CNGB1: variants seen among roughly 807,000 people sequenced by gnomAD.
CNGB1 encodes the protein cyclic nucleotide-gated channel beta-1.
In CNGB1, 126 loss-of-function variants were observed where a neutral mutation model predicts 151.7. The observed-to-expected ratio is 0.83, with a 90% CI of 0.72 to 0.96. The LOEUF (loss-of-function observed/expected upper bound fraction) is 0.96. Among genes scored for constraint, CNGB1 ranks in the 40% least tolerant of loss-of-function variants. The probability of loss-of-function intolerance (pLI) is 0.00; values close to 1 mark genes in which losing one functional copy is unlikely to be tolerated. For missense variants in CNGB1, 1,698 were observed against 1,627.0 expected (o/e 1.04, Z -0.75); for synonymous variants, 623 against 635.1 (o/e 0.98, Z 0.29).
intron 31 of CNGB1, among the ~76,000 whole-genome samples, chr16:57,890,793 C>G (rs945344855): frequency 2.6e-5 from 4 of 152,356 alleles, no homozygotes; most frequent in East Asian, 1.9e-4. Context: ...GGTTCTCAGA[C>G]AGTGTATCTC....
intron 18 of CNGB1, among the ~76,000 whole-genome samples, chr16:57,922,180 G>A (rs1402881458): frequency 6.6e-6 from 1 of 152,064 alleles, no homozygotes; most frequent in Non-Finnish European, 1.5e-5. Context: ...TAAAATTGTG[G>A]ATAGAAAAAA....
chr16:57,921,141 C>A (rs778514394), intron 18 of CNGB1, among the ~76,000 whole-genome samples: 7 of 148,024 alleles, frequency 4.7e-5, no homozygotes, highest in Non-Finnish European at 5.9e-5. Context: ...TTTTTTCATA[C>A]ATTAGGACAC....
intron 31 of CNGB1, among the ~76,000 whole-genome samples, chr16:57,892,317 A>C (rs1209762465): frequency 2.0e-5 from 3 of 152,134 alleles, no homozygotes; most frequent in East Asian, 1.9e-4. Context: ...TCCATGAATC[A>C]CAAGGGTCCA....
chr16:57,911,612 T>C, intron 25 of CNGB1, 141 bp downstream of exon 25: 1 of 1,202,322 alleles, frequency 8.3e-7, no homozygotes, highest in South Asian at 1.3e-5. Context: ...TTGAGCCTTG[T>C]CATGCCAGTG....
At chr16:57,937,925 C>T (rs1291037481) in intron 16 of CNGB1, among the ~76,000 whole-genome samples, 1 of 152,218 alleles carries the variant, frequency 6.6e-6, no homozygotes, top group Non-Finnish European at 1.5e-5. Flanking sequence ...CCAGGTGATT[C>T]CAATGGGCTG....
intron 14 of CNGB1, among the ~76,000 whole-genome samples, chr16:57,944,142 C>T (rs1961742556): frequency 6.6e-6 from 1 of 152,072 alleles, no homozygotes; most frequent in Non-Finnish European, 1.5e-5. Flanking sequence ...CCTGCCTCAG[C>T]CTCCCAAGTG....
intron 25 of CNGB1, among the ~76,000 whole-genome samples, chr16:57,905,125 G>A (rs1203259867): frequency 6.6e-6 from 1 of 152,160 alleles, no homozygotes; most frequent in Non-Finnish European, 1.5e-5. Context: ...TACAGATATG[G>A]AAACTGAGGC....
At chr16:57,905,379 C>T (rs1386349095) in intron 25 of CNGB1, among the ~76,000 whole-genome samples, 2 of 152,204 alleles carry the variant, frequency 1.3e-5, no homozygotes, top group Non-Finnish European at 1.5e-5. Context: ...AACTGAGGCC[C>T]CCAAAGGGAA....
chr16:57,919,108 G>A lies in CNGB1; in HGVS notation c.1948C>T (p.Pro650Ser). ...ATTCCCCAGGACTCACTGGTCAGCG[G>A]GTCAATGCTCTGGGGAAACTGGTAC... is the stretch of plus-strand genomic sequence containing the variant. Reference protein sequence around the residue: ...KKYQFPQSIDPLTNLMYVLWL... With the variant: ...KKYQFPQSIDSLTNLMYVLWL... Residue 650 changes from proline (P) to serine (S), a missense_variant, in exon 20 of 33, where the codon CCG becomes TCG. Physicochemically the swap from Pro to Ser is moderately conservative, Grantham distance 74 (BLOSUM62 -1). Coordinates refer to ENST00000251102, the MANE Select transcript of CNGB1 (RefSeq NM_001297.5). The A allele has an allele frequency of 6.2e-7, 1 of 1,614,200 alleles. No individual in the cohort carries two copies. The highest frequency in any genetic ancestry group is 8.5e-7 in the Non-Finnish European group (1 of 1,180,042).
rs765248752 is a variant in CNGB1, at chr16:57,960,801, C to G, written c.534+39G>C. ...CCTCCTGGGGCCCCAGAAGCCCCCCCATATACTCAACTCCCTGCCTCTCCC... is the reference window on the plus strand; with the variant it reads ...CCTCCTGGGGCCCCAGAAGCCCCCCGATATACTCAACTCCCTGCCTCTCCC... On this transcript the variant is annotated intron_variant, in intron 8 of 32. Transcript: ENST00000251102. 1.9e-6 allele frequency: 3 copies of G among 1,600,236 alleles called. No homozygotes were observed. The African/African-American group carries it at 4.0e-5, about 21-fold the overall frequency.
In CNGB1 at chr16:57,897,517, C is replaced by T. The variant is rs192178968; in HGVS notation, c.3122G>A (p.Arg1041Gln). 5.5e-5 allele frequency: 89 copies of T among 1,614,140 alleles called. No individual in the cohort carries two copies. Among genetic ancestry groups the T allele is most frequent in the South Asian group, 3.6e-4 (33 of 91,082 alleles). Residue 1041 changes from arginine (R) to glutamine (Q), a missense_variant, in exon 31 of 33, where the codon CGG becomes CAG. Arg to Gln is a conservative substitution (Grantham distance 43). Transcript: ENST00000251102. ...ISLLAVGGGN[R>Q]RTANVVAHGF... ...GTGCGCCACCACGTTGGCCGTGCGC[C>T]GGTTCCCGCCCCCAACAGCCAGCAA...
At chr16:57,914,992 A>G (rs1213804620) in intron 23 of CNGB1, among the ~76,000 whole-genome samples, 5 of 152,208 alleles carry the variant, frequency 3.3e-5, no homozygotes, top group Non-Finnish European at 7.3e-5. Flanking sequence ...GGGCAAATTA[A>G]TTAACCTCTC....
chr16:57,892,915 G>A lies in CNGB1; in HGVS notation c.3242+4482C>T, dbSNP rs564701435. Among the ~76,000 whole-genome samples, 15 of 152,214 alleles carry A rather than the reference G, an allele frequency of 9.9e-5. 1 individual carries two copies. In the South Asian group the frequency reaches 1.9e-3, roughly 19 times the overall value. On this transcript the variant is annotated intron_variant, in intron 31 of 32. Coordinates refer to ENST00000251102, the MANE Select transcript of CNGB1 (RefSeq NM_001297.5). ...CTCTCCGTCACTTCCCGCTCCTCCC[G>A]TGGCTTTGTGTTTCCTCGTAGCCAG...
intron 18 of CNGB1, among the ~76,000 whole-genome samples, chr16:57,922,922 G>T (rs1961083762): frequency 6.6e-6 from 1 of 151,520 alleles, no homozygotes; most frequent in Non-Finnish European, 1.5e-5. Flanking sequence ...AGATCCTGGT[G>T]GTCCTCCCTG....
chr16:57,956,008 G>A lies in CNGB1; in HGVS notation c.874+1333C>T, dbSNP rs528352099. On this transcript the variant is annotated intron_variant, in intron 12 of 32. Transcript: ENST00000251102. The stretch of plus-strand genomic sequence containing the variant: ...AGCCAGCTCCTCTCCCTGTCCCCAT[G>A]AGCCTGCCCCCATGGCCACCCAGCG... Among the ~76,000 whole-genome samples, 5 of 152,270 alleles carry A rather than the reference G, an allele frequency of 3.3e-5. No homozygotes were observed. The East Asian group carries it at 5.8e-4, about 18-fold the overall frequency.
intron 14 of CNGB1, among the ~76,000 whole-genome samples, chr16:57,948,329 T>C (rs1961859773): frequency 6.6e-6 from 1 of 150,802 alleles, no homozygotes; most frequent in African/African-American, 2.4e-5. Context: ...TTTTTTTTTT[T>C]TTTTAAGTAG....
rs1961004216 is a variant in CNGB1, at chr16:57,920,550, G to A, written c.1644-6C>T. 6.2e-7 allele frequency: 1 copy of A among 1,611,524 alleles called. No homozygotes were observed. Among genetic ancestry groups the A allele is most frequent in the African/African-American group, 1.3e-5 (1 of 74,904 alleles). On this transcript the variant is annotated splice_region_variant and splice_polypyrimidine_tract_variant and intron_variant, in intron 18 of 32. Coordinates refer to ENST00000251102, the MANE Select transcript of CNGB1 (RefSeq NM_001297.5). Reference sequence around the variant, plus strand: ...AGGCCGCACGGTCCTGGCCACTGTGGGAACATCACCCAAAGCTGAGCAGGC... The same window carrying A: ...AGGCCGCACGGTCCTGGCCACTGTGAGAACATCACCCAAAGCTGAGCAGGC...
At position 57,905,644 on chromosome 16, in the gene CNGB1, C is replaced by T. The variant is rs368691333; in HGVS notation, c.2493-769G>A. On this transcript the variant is annotated intron_variant, in intron 25 of 32. Coordinates refer to ENST00000251102, the MANE Select transcript of CNGB1 (RefSeq NM_001297.5). ...CAATGGTGTCAGGAGCTAGGGCCTTCGGGCGCCGTTTAGGCTGCGAGGGCT... is the reference window on the plus strand; with the variant it reads ...CAATGGTGTCAGGAGCTAGGGCCTTTGGGCGCCGTTTAGGCTGCGAGGGCT... 3.1e-4 allele frequency among the ~76,000 whole-genome samples: 47 copies of T among 152,370 alleles called. 1 individual carries two copies. In the East Asian group the frequency reaches 4.8e-3, roughly 16 times the overall value.
intron 17 of CNGB1, among the ~76,000 whole-genome samples, chr16:57,928,660 CAG>C (rs1277538615): frequency 6.6e-6 from 1 of 151,906 alleles, no homozygotes; most frequent in Non-Finnish European, 1.5e-5. Context: ...TTTCTTCAGA[CAG>C]AGTCTCACTC....
Sources: gnomAD v4.1 joint callset for allele counts (sites outside exome capture counted in the v4.1 genomes callset) on GRCh38, gnomAD v4.1.1 for gene constraint, MANE v1.5 for transcripts, NCBI Gene and HGNC (gene_info 2026-07-23, HGNC 2026-07-21) for gene names.